The following ROR1 variants were observed in gnomAD, a reference collection of about 807,000 sequenced individuals.
The protein encoded by ROR1 is ROR family WNT receptor 1.
In ROR1, 19 loss-of-function variants were observed where a neutral mutation model predicts 78.8. The observed-to-expected ratio is 0.24, with a 90% CI of 0.17 to 0.35. The LOEUF is 0.35. ROR1 is among the 10% of genes least tolerant of loss of function. The pLI is 1.00. For missense variants in ROR1, 917 were observed against 1,177.8 expected (o/e 0.78, Z 3.24); for synonymous variants, 386 against 433.6 (o/e 0.89, Z 1.36).
intron 2 of ROR1, among the ~76,000 whole-genome samples, chr1:64,021,568 A>C (rs536005903): frequency 4.6e-5 from 7 of 152,352 alleles, no homozygotes; most frequent in African/African-American, 1.7e-4. Flanking sequence ...CAGGCAGGAA[A>C]ACAAGTTCAA....
intron 1 of ROR1, among the ~76,000 whole-genome samples, chr1:63,791,977 A>G (rs1644729646): frequency 6.6e-6 from 1 of 152,184 alleles, no homozygotes; most frequent in African/African-American, 2.4e-5. Flanking sequence ...TGAACAAAAC[A>G]AAGACCCTGG....
intron 8 of ROR1, among the ~76,000 whole-genome samples, chr1:64,170,189 G>A (rs548971799): frequency 1.6e-4 from 25 of 152,208 alleles, no homozygotes; most frequent in Non-Finnish European, 3.2e-4. Context: ...CCCTAGCAGA[G>A]GTTCTCCATG....
In ROR1 at chr1:63,868,135, TG is replaced by T. The variant is rs1368348141; in HGVS notation, c.91+93628del. Among the ~76,000 whole-genome samples the T allele has an allele frequency of 2.7e-4, 40 of 149,940 alleles. No individual in the cohort carries two copies. The South Asian group carries it at 8.1e-3, about 30-fold the overall frequency. The stretch of plus-strand genomic sequence containing the variant: ...AGAGAAATACTAGCGCAGTTTTTGT[TG>T]TTGTTGTTGTTGTTTTGTTTTTTTG... On this transcript the variant is annotated intron_variant, in intron 1 of 8. Coordinates refer to ENST00000371079, the MANE Select transcript of ROR1 (RefSeq NM_005012.4).
intron 4 of ROR1, among the ~76,000 whole-genome samples, chr1:64,075,313 A>G (rs530763518): frequency 3.3e-5 from 5 of 152,324 alleles, no homozygotes; most frequent in Admixed American, 3.3e-4. Context: ...TTTTTCTAAT[A>G]TAGAGGGGGT....
At chr1:64,131,383 AAAG>A (rs1003512001) in intron 4 of ROR1, among the ~76,000 whole-genome samples, 32 of 152,198 alleles carry the variant, frequency 2.1e-4, no homozygotes, top group African/African-American at 7.0e-4. Context: ...AATCAGAACA[AAAG>A]AACCTGCTGA....
intron 1 of ROR1, among the ~76,000 whole-genome samples, chr1:63,830,750 A>G (rs577045476): frequency 2.1e-4 from 32 of 152,178 alleles, no homozygotes; most frequent in Non-Finnish European, 3.1e-4. Context: ...CAGTCCCCCA[A>G]AGTCTTAACT....
At chr1:64,097,728 C>G (rs1326877991) in intron 4 of ROR1, among the ~76,000 whole-genome samples, 1 of 152,000 alleles carries the variant, frequency 6.6e-6, no homozygotes, top group Non-Finnish European at 1.5e-5. Flanking sequence ...ATGGCAGAGC[C>G]AGGACTGGAA....
chr1:64,154,270 G>T (rs1431376802), intron 7 of ROR1, among the ~76,000 whole-genome samples: 1 of 152,204 alleles, frequency 6.6e-6, no homozygotes, highest in Non-Finnish European at 1.5e-5. Flanking sequence ...CGCCTTCCAG[G>T]CATATGCCTA....
intron 1 of ROR1, among the ~76,000 whole-genome samples, chr1:63,968,951 G>A (rs1207160308): frequency 6.6e-6 from 1 of 152,172 alleles, no homozygotes; most frequent in Non-Finnish European, 1.5e-5. Flanking sequence ...TTGTGATGGA[G>A]AGCATTAAAT....
chr1:64,078,538 G>A (rs568818727), intron 4 of ROR1, among the ~76,000 whole-genome samples: 1 of 152,216 alleles, frequency 6.6e-6, no homozygotes, highest in South Asian at 2.1e-4. Flanking sequence ...CACGTTTGTT[G>A]GTTCACTTTT....
intron 4 of ROR1, among the ~76,000 whole-genome samples, chr1:64,122,794 G>A (rs1213325149): frequency 4.6e-5 from 7 of 152,186 alleles, no homozygotes; most frequent in South Asian, 2.1e-4. Flanking sequence ...TTCCTCTTGC[G>A]ACATCATTTT....
At chr1:63,942,556 T>A (rs1645849590) in intron 1 of ROR1, among the ~76,000 whole-genome samples, 1 of 152,202 alleles carries the variant, frequency 6.6e-6, no homozygotes, top group Admixed American at 6.5e-5. Flanking sequence ...ATGCATGGCC[T>A]TAGGAGTAGG....
chr1:63,828,823 C>T (rs1194765803), intron 1 of ROR1, among the ~76,000 whole-genome samples: 1 of 152,180 alleles, frequency 6.6e-6, no homozygotes, highest in Admixed American at 6.5e-5. Context: ...CTTGCTGCTC[C>T]TCCTTGAACT....
At chr1:64,127,906 A>C (rs1648770407) in intron 4 of ROR1, among the ~76,000 whole-genome samples, 1 of 152,116 alleles carries the variant, frequency 6.6e-6, no homozygotes, top group Non-Finnish European at 1.5e-5. Context: ...TGTGAAGAAC[A>C]TCAGCCTCAG....
At chr1:63,960,326 C>T (rs533882609) in intron 1 of ROR1, among the ~76,000 whole-genome samples, 12 of 152,276 alleles carry the variant, frequency 7.9e-5, no homozygotes, top group Admixed American at 2.0e-4. Flanking sequence ...CTTACTTCGT[C>T]GAAGCACGAG....
chr1:63,961,077 C>T (rs1646023301), intron 1 of ROR1, among the ~76,000 whole-genome samples: 1 of 152,020 alleles, frequency 6.6e-6, no homozygotes, highest in South Asian at 2.1e-4. Context: ...TTCTCTTTTT[C>T]CCTTTCCTTC....
intron 8 of ROR1, among the ~76,000 whole-genome samples, chr1:64,175,179 A>G (rs1650346229): frequency 6.6e-6 from 1 of 151,910 alleles, no homozygotes; most frequent in Admixed American, 6.6e-5. Flanking sequence ...AATCACTGCT[A>G]TCTATTTCCC....
intron 4 of ROR1, among the ~76,000 whole-genome samples, chr1:64,126,364 A>G (rs1178423175): frequency 6.6e-6 from 1 of 152,180 alleles, no homozygotes; most frequent in Non-Finnish European, 1.5e-5. Flanking sequence ...ATAGAGAGTC[A>G]CTGAACATTT....
intron 1 of ROR1, among the ~76,000 whole-genome samples, chr1:63,999,883 C>G (rs1412622748): frequency 6.6e-6 from 1 of 152,152 alleles, no homozygotes; most frequent in East Asian, 1.9e-4. Context: ...ACCAAGACTT[C>G]ACTTGTTTTT....
Sources: allele counts gnomAD v4.1 joint callset (sites outside exome capture counted in the v4.1 genomes callset), GRCh38; gene constraint gnomAD v4.1.1; transcripts MANE v1.5; gene names NCBI Gene and HGNC (gene_info 2026-07-23, HGNC 2026-07-21).